ATP4A: variants seen among roughly 807,000 people sequenced by gnomAD.
The protein encoded by ATP4A is potassium-transporting ATPase alpha chain 1.
In ATP4A, 73 loss-of-function variants were observed where a neutral mutation model predicts 112.1. The ratio of observed to expected loss-of-function variants is 0.65; its 90% CI spans 0.54 to 0.79. The LOEUF (loss-of-function observed/expected upper bound fraction) is 0.79. Among genes scored for constraint, ATP4A ranks in the 30% least tolerant of loss-of-function variants. ATP4A has a pLI of 0.00. For synonymous variants in ATP4A, 588 were observed against 588.9 expected, an observed-to-expected ratio of 1.00 and a Z score of 0.02; for missense variants, 1,081 against 1,425.9, an observed-to-expected ratio of 0.76 and a Z score of 3.90.
intron 12 of ATP4A, among the ~76,000 whole-genome samples, chr19:35,556,367 T>C (rs1157669205): frequency 6.6e-6 from 1 of 152,226 alleles, no homozygotes; most frequent in Non-Finnish European, 1.5e-5. Context: ...CGGGAAGGGC[T>C]TGGGCATTGC....
Position 35,560,933 on chromosome 19 carries a change from C to G in ATP4A, c.421-1G>C, listed in dbSNP as rs1202589958. Reference sequence around the variant, plus strand: ...CAATGAGAGCGATTGCCAGGTACAGCTGGGGACAGGGAAGGGGTGGGGTTA... The same window carrying G: ...CAATGAGAGCGATTGCCAGGTACAGGTGGGGACAGGGAAGGGGTGGGGTTA... On this transcript the variant is annotated splice_acceptor_variant, in intron 4 of 21. Transcript: ENST00000262623. LOFTEE classifies it high-confidence loss of function. This position sits in a 1 kb window ranked among gnomAD's most constrained non-coding sequence, Gnocchi z 5.1. 1.9e-6 allele frequency: 3 copies of G among 1,613,590 alleles called. No homozygotes were observed. The highest frequency in any genetic ancestry group is 2.5e-6 in the Non-Finnish European group (3 of 1,179,780).
chr19:35,550,570 C>A lies in ATP4A; in HGVS notation c.*45G>T. On this transcript the variant is annotated 3_prime_UTR_variant, in exon 22 of 22. Coordinates refer to ENST00000262623, the MANE Select transcript of ATP4A (RefSeq NM_000704.3). The surrounding 1 kb of genome is among the most constrained non-coding windows in gnomAD (Gnocchi z 4.1). ...CAGAGGGTCCCACGAGCCCTGCCCC[C>A]ACCTGCTGTGGCAGTTGCAGGGATG... The A allele has an allele frequency of 8.7e-6, 14 of 1,611,614 alleles. No individual in the cohort carries two copies. Among genetic ancestry groups the A allele is most frequent in the Non-Finnish European group, 1.1e-5 (13 of 1,177,868 alleles).
In ATP4A at chr19:35,551,160, G is replaced by A. The variant is rs767158003; in HGVS notation, c.2886-49C>T. 2.0e-6 allele frequency: 3 copies of A among 1,533,446 alleles called. No homozygotes were observed. The highest frequency in any genetic ancestry group is 2.7e-6 in the Non-Finnish European group (3 of 1,126,958). The allele number at this position is 1,533,446 out of a possible 1,614,324, so 95.0% of individuals were successfully genotyped here. ...GGCCATTAGGAATTGGGGACGTGAT[G>A]GAAATCAGGATACTGTGGGTCAAAG... On this transcript the variant is annotated intron_variant, in intron 19 of 21. Transcript: ENST00000262623. The surrounding 1 kb of genome is among the most constrained non-coding windows in gnomAD (Gnocchi z 5.2).
chr19:35,550,449 T>C lies in ATP4A; in HGVS notation c.*166A>G, dbSNP rs1282058734. On this transcript the variant is annotated 3_prime_UTR_variant, in exon 22 of 22. Transcript: ENST00000262623. The surrounding 1 kb of genome is among the most constrained non-coding windows in gnomAD (Gnocchi z 4.1). ...GAACCTTGGGAATGGGGGAGGGGAG[T>C]GGGCAGGTCCCTCCAAGTTTGGGGT... 1.6e-5 allele frequency: 13 copies of C among 826,152 alleles called. No homozygotes were observed. The Admixed American group carries it at 3.3e-4, about 21-fold the overall frequency. 51.2% of individuals were successfully genotyped at this position (826,152 alleles called of 1,614,324 possible).
chr19:35,559,667 T>C lies in ATP4A; in HGVS notation c.1056+138A>G. ...GGGAAGGACTTGCTGAATGAGTGGA[T>C]GATGGGAAGGCAGGAGAATGGATGG... On this transcript the variant is annotated intron_variant, in intron 7 of 21. Transcript: ENST00000262623. This position sits in a 1 kb window ranked among gnomAD's most constrained non-coding sequence, Gnocchi z 4.1. 7.3e-7 allele frequency: 1 copy of C among 1,364,186 alleles called. No individual in the cohort carries two copies. Among genetic ancestry groups the C allele is most frequent in the Non-Finnish European group, 9.8e-7 (1 of 1,017,348 alleles). The allele number at this position is 1,364,186 out of a possible 1,614,324, so 84.5% of individuals were successfully genotyped here. A position where few individuals can be genotyped will look rare whatever the true frequency, so the allele number is the denominator to read the frequency against.
chr19:35,551,408 CA>C lies in ATP4A; in HGVS notation c.2885+38del. The stretch of plus-strand genomic sequence containing the variant: ...GTCAGGATCTGATGGGAGTTGGGAC[CA>C]GGGGTTGGAGGGCAGGAAGAGGGCC... On this transcript the variant is annotated intron_variant, in intron 19 of 21. Coordinates refer to ENST00000262623, the MANE Select transcript of ATP4A (RefSeq NM_000704.3). The surrounding 1 kb of genome is among the most constrained non-coding windows in gnomAD (Gnocchi z 5.2). The C allele has an allele frequency of 2.5e-6, 4 of 1,613,298 alleles. No homozygotes were observed. Among genetic ancestry groups the C allele is most frequent in the Non-Finnish European group, 3.4e-6 (4 of 1,179,916 alleles).
intron 4 of ATP4A, among the ~76,000 whole-genome samples, 157 bp from the exon 5 acceptor site, chr19:35,561,089 C>A (rs1256768047): frequency 6.6e-6 from 1 of 151,998 alleles, no homozygotes; most frequent in Non-Finnish European, 1.5e-5. Context: ...AGCCTTTAGC[C>A]CCCTCCCATG....
At position 35,560,663 on chromosome 19, in the gene ATP4A, G is replaced by GGGGGGGGGGTGGT; in HGVS notation, c.535-49_535-48insACCACCCCCCCCC. ...TTGAGGTGGACGGGGGTGGGGGTGG[G>GGGGGGGGGGTGGT]AGCTGCTGCATGTGGGGAGGTAAAG... On this transcript the variant is annotated intron_variant, in intron 5 of 21. Transcript: ENST00000262623. The surrounding 1 kb of genome is among the most constrained non-coding windows in gnomAD (Gnocchi z 5.1). 1.1e-6 allele frequency: 1 copy of GGGGGGGGGGTGGT among 883,964 alleles called. No homozygotes were observed. The highest frequency in any genetic ancestry group is 1.8e-6 in the Non-Finnish European group (1 of 561,726). 54.8% of individuals were successfully genotyped at this position (883,964 alleles called of 1,614,324 possible). A position where few individuals can be genotyped will look rare whatever the true frequency, so the allele number is the denominator to read the frequency against.
At chr19:35,563,350 C>T (rs1212417163) in intron 2 of ATP4A, 34 bp downstream of exon 2, 2 of 1,613,600 alleles carry the variant, frequency 1.2e-6, no homozygotes, top group South Asian at 1.1e-5. Flanking sequence ...CCAGCCTACC[C>T]TCCAGCTCCC....
chr19:35,561,613 C>G (rs976741486), intron 4 of ATP4A, among the ~76,000 whole-genome samples: 7 of 152,110 alleles, frequency 4.6e-5, no homozygotes, highest in African/African-American at 1.7e-4. Context: ...CCCTGAGTCC[C>G]CATGTCCCTT....
chr19:35,562,966 T>A (rs2071680545), intron 3 of ATP4A, among the ~76,000 whole-genome samples: 1 of 151,266 alleles, frequency 6.6e-6, no homozygotes, highest in Admixed American at 6.6e-5. Context: ...GCTTTCTCCC[T>A]TCTCTCCCTC....
intron 16 of ATP4A, 57 bp downstream of exon 16, chr19:35,554,865 C>T: frequency 6.2e-7 from 1 of 1,607,816 alleles, no homozygotes; most frequent in African/African-American, 1.3e-5. Flanking sequence ...TCCTGTCCAT[C>T]TGCAAGCAAG....
Position 35,555,075 on chromosome 19 carries a change from A to G in ATP4A, c.2328T>C (p.Gly776=). The G allele has an allele frequency of 6.2e-7, 1 of 1,613,156 alleles. No individual in the cohort carries two copies. The highest frequency in any genetic ancestry group is 8.5e-7 in the Non-Finnish European group (1 of 1,179,430). Reference sequence around the variant, plus strand: ...TCTTCAGGTTGTCGAAGATCAGTCGACCTGTGGGGTAGGGTGGGCACCTCA... The same window carrying G: ...TCTTCAGGTTGTCGAAGATCAGTCGGCCTGTGGGGTAGGGTGGGCACCTCA... The part of the protein sequence containing the change: ...FASIVTGVEQ[G]RLIFDNLKKS... Residue 776 remains glycine (G), a splice_region_variant and synonymous_variant, in exon 16 of 22, where the codon GGT becomes GGC. Transcript: ENST00000262623. The surrounding 1 kb of genome is among the most constrained non-coding windows in gnomAD (Gnocchi z 6.6).
In ATP4A at chr19:35,553,076, G is replaced by A; in HGVS notation, c.2712C>T (p.His904=). 1 of 1,610,616 alleles carries A rather than the reference G, an allele frequency of 6.2e-7. No homozygotes were observed. The highest frequency in any genetic ancestry group is 8.5e-7 in the Non-Finnish European group (1 of 1,177,192). ...AGCTGTCCTGCAGATCTTGTAGGTG[G>A]TGGTCCTCCCACTGCGCCCGCAGCC... is the stretch of plus-strand genomic sequence containing the variant. ...CVGLRAQWED[H]HLQDLQDSYG... is the part of the protein sequence containing the mutation. The change falls in exon 18 of 22, where the codon CAC becomes CAT. Residue 904 remains histidine, a synonymous_variant. Coordinates refer to ENST00000262623, the MANE Select transcript of ATP4A (RefSeq NM_000704.3).
Position 35,550,439 on chromosome 19 carries a change from G to A in ATP4A, c.*176C>T. ...CAGGAGGTGCGAACCTTGGGAATGG[G>A]GGAGGGGAGTGGGCAGGTCCCTCCA... is the stretch of plus-strand genomic sequence containing the variant. On this transcript the variant is annotated 3_prime_UTR_variant, in exon 22 of 22. Coordinates refer to ENST00000262623, the MANE Select transcript of ATP4A (RefSeq NM_000704.3). This position sits in a 1 kb window ranked among gnomAD's most constrained non-coding sequence, Gnocchi z 4.1. 1 of 781,574 alleles carries A rather than the reference G, an allele frequency of 1.3e-6. No homozygotes were observed. The highest frequency in any genetic ancestry group is 2.0e-6 in the Non-Finnish European group (1 of 491,630). The allele number at this position is 781,574 out of a possible 1,614,324, so 48.4% of individuals were successfully genotyped here.
Position 35,557,908 on chromosome 19 carries a change from G to C in ATP4A, c.1501-61C>G. ...GGGAACGGGGCGGGGCTGTGGACGA[G>C]GGAACGGGGCGGGGCTGAGGAGAGG... On this transcript the variant is annotated intron_variant, in intron 10 of 21. Transcript: ENST00000262623. The surrounding 1 kb of genome is among the most constrained non-coding windows in gnomAD (Gnocchi z 4.4). The C allele has an allele frequency of 8.7e-7, 1 of 1,143,634 alleles. No homozygotes were observed. The allele number at this position is 1,143,634 out of a possible 1,614,324, so 70.8% of individuals were successfully genotyped here.
At chr19:35,554,750 C>T (rs1294956466) in intron 16 of ATP4A, among the ~76,000 whole-genome samples, 172 bp downstream of exon 16, 1 of 151,954 alleles carries the variant, frequency 6.6e-6, no homozygotes, top group Non-Finnish European at 1.5e-5. Flanking sequence ...CCATTTAGGT[C>T]TGTTCACCTG....
At position 35,555,146 on chromosome 19, in the gene ATP4A, C is replaced by G. The variant is rs777249685; in HGVS notation, c.2326+20G>C. The G allele has an allele frequency of 1.2e-6, 2 of 1,614,060 alleles. No homozygotes were observed. The highest frequency in any genetic ancestry group is 1.7e-5 in the Admixed American group (1 of 60,014). ...CTCCTGTGCCCACACTGCCTGCCCTCCCCCTGGCGTGGCTCGGACCCTGCT... is the reference window on the plus strand; with the variant it reads ...CTCCTGTGCCCACACTGCCTGCCCTGCCCCTGGCGTGGCTCGGACCCTGCT... On this transcript the variant is annotated intron_variant, in intron 15 of 21. Coordinates refer to ENST00000262623, the MANE Select transcript of ATP4A (RefSeq NM_000704.3). The surrounding 1 kb of genome is among the most constrained non-coding windows in gnomAD (Gnocchi z 6.6).
chr19:35,560,379 G>A lies in ATP4A; in HGVS notation c.771C>T (p.Ser257=). 6.2e-7 allele frequency: 1 copy of A among 1,613,940 alleles called. No homozygotes were observed. The highest frequency in any genetic ancestry group is 8.5e-7 in the Non-Finnish European group (1 of 1,180,004). The stretch of plus-strand genomic sequence containing the variant: ...TTCACAGACCCTCAAGGCACATGGT[G>A]GAGAAGAAGGCGATGTTGCGGGTCT... ...PLETRNIAFF[S]TMCLEGTVQG... is the part of the protein sequence containing the mutation. Residue 257 remains serine, a synonymous_variant, in exon 6 of 22, where the codon TCC becomes TCT. Coordinates refer to ENST00000262623, the MANE Select transcript of ATP4A (RefSeq NM_000704.3). The surrounding 1 kb of genome is among the most constrained non-coding windows in gnomAD (Gnocchi z 5.1).
Sources: gnomAD v4.1 joint callset for allele counts (sites outside exome capture counted in the v4.1 genomes callset) on GRCh38, gnomAD v4.1.1 for gene constraint, Gnocchi (gnomAD v3.1) non-coding constraint, MANE v1.5 for transcripts, NCBI Gene and HGNC (gene_info 2026-07-23, HGNC 2026-07-21) for gene names.